The following SASH1 variants were observed in gnomAD, a reference collection of about 807,000 sequenced individuals.
SASH1 encodes the protein SAM and SH3 domain-containing protein 1.
Under a neutral mutation model 125.2 loss-of-function variants are expected in SASH1, and 44 were observed. That is an observed-to-expected ratio of 0.35 (90% CI 0.28 to 0.45). The LOEUF is 0.45. SASH1 is among the 20% of genes least tolerant of loss of function. The pLI is 1.00. For missense variants in SASH1, 1,426 were observed against 1,614.5 expected (o/e 0.88, Z 2.00); for synonymous variants, 639 against 649.1 (o/e 0.98, Z 0.24).
intron 1 of SASH1, among the ~76,000 whole-genome samples, chr6:148,377,195 C>CAAA (rs371487493): frequency 8.2e-5 from 10 of 121,836 alleles, no homozygotes; most frequent in South Asian, 8.0e-4. Context: ...AAAAAAAAAA[C>CAAA]AAAAAAAAAA....
chr6:148,429,277 C>A (rs1401086332), intron 2 of SASH1, among the ~76,000 whole-genome samples: 1 of 150,668 alleles, frequency 6.6e-6, no homozygotes, highest in Non-Finnish European at 1.5e-5. Flanking sequence ...TCCCAGCTAT[C>A]CAGGAGGCTG....
At chr6:148,546,673 T>C (rs1378691422) in intron 19 of SASH1, among the ~76,000 whole-genome samples, 1 of 152,182 alleles carries the variant, frequency 6.6e-6, no homozygotes, top group Non-Finnish European at 1.5e-5. Flanking sequence ...TATGAGGTAA[T>C]GCATATGTCA....
At chr6:148,440,326 A>C in intron 3 of SASH1, 32 bp from the exon 4 acceptor site, 1 of 1,612,668 alleles carries the variant, frequency 6.2e-7, no homozygotes, top group South Asian at 1.1e-5. Context: ...TGCTGCTCTG[A>C]CCACACTGAC....
chr6:148,247,444 T>A, the SASH1 span, among the ~76,000 whole-genome samples: 3 of 152,214 alleles, frequency 2.0e-5, no homozygotes, highest in African/African-American at 7.2e-5. Context: ...GACGCTGTGA[T>A]GGCAGAAGTC....
Position 148,533,705 on chromosome 6 carries a change from C to T in SASH1, c.1735-66C>T, listed in dbSNP as rs1781661667. 10 of 1,453,344 alleles carry T rather than the reference C, an allele frequency of 6.9e-6. No individual in the cohort carries two copies. Among genetic ancestry groups the T allele is most frequent in the Non-Finnish European group, 9.5e-6 (10 of 1,050,424 alleles). 90.0% of individuals were successfully genotyped at this position (1,453,344 alleles called of 1,614,324 possible). On this transcript the variant is annotated intron_variant, in intron 14 of 19. Coordinates refer to ENST00000367467, the MANE Select transcript of SASH1 (RefSeq NM_015278.5). The surrounding 1 kb of genome is among the most constrained non-coding windows in gnomAD (Gnocchi z 6.2). Reference sequence around the variant, plus strand: ...ACTTCTGCATGACCTGTGTATCTGACAGATTCTTGATTTGTACGTTCATGG... The same window carrying T: ...ACTTCTGCATGACCTGTGTATCTGATAGATTCTTGATTTGTACGTTCATGG...
intron 19 of SASH1, among the ~76,000 whole-genome samples, chr6:148,547,626 A>G (rs1225301448): frequency 6.6e-6 from 1 of 152,150 alleles, no homozygotes; most frequent in Non-Finnish European, 1.5e-5. Flanking sequence ...ATCTTTGTAG[A>G]CTTTAAAGGT....
At chr6:148,374,858 G>A (rs1261954531) in intron 1 of SASH1, among the ~76,000 whole-genome samples, 1 of 152,084 alleles carries the variant, frequency 6.6e-6, no homozygotes, top group Non-Finnish European at 1.5e-5. Flanking sequence ...CACCATGCAT[G>A]GCTAATTTTT....
chr6:148,413,778 AC>A (rs1447361640), intron 2 of SASH1, among the ~76,000 whole-genome samples: 1 of 151,260 alleles, frequency 6.6e-6, no homozygotes, highest in Non-Finnish European at 1.5e-5. Context: ...TTCTCCCCTT[AC>A]CCCTCTCCCA....
intron 8 of SASH1, among the ~76,000 whole-genome samples, chr6:148,490,141 A>G (rs1779045592): frequency 6.6e-6 from 1 of 151,622 alleles, no homozygotes. Context: ...CTGTTTCAAT[A>G]TGACCAAAAC....
the SASH1 span, among the ~76,000 whole-genome samples, chr6:148,239,099 C>T: frequency 6.6e-6 from 1 of 152,166 alleles, no homozygotes; most frequent in Non-Finnish European, 1.5e-5. Flanking sequence ...CACGGGACCT[C>T]ATTTTGAGGG....
chr6:148,537,623 G>GAAAT (rs1781927248), intron 16 of SASH1, among the ~76,000 whole-genome samples: 1 of 152,170 alleles, frequency 6.6e-6, no homozygotes, highest in African/African-American at 2.4e-5. Context: ...TACATTTTAA[G>GAAAT]AAATATGGTG....
At position 148,303,782 on chromosome 6, in the gene SASH1, A is replaced by AAAATAAAT. The variant is rs201590424; in HGVS notation, n.74+31445_74+31452dup. 8.6e-3 allele frequency among the ~76,000 whole-genome samples: 1,263 copies of AAAATAAAT among 147,372 alleles called. 13 individuals carry two copies. Among genetic ancestry groups the AAAATAAAT allele is most frequent in the South Asian group, 0.014 (63 of 4,636 alleles). ...AGCACTCCAGCGACTCTGTCTCAAC[A>AAAATAAAT]AAATAAATAAATAAATAAATAAATA... is the stretch of plus-strand genomic sequence containing the variant. On this transcript the variant is annotated intron_variant and non_coding_transcript_variant, in intron 1 of 3. Transcript: ENST00000367469.
At chr6:148,516,823 C>T (rs554803866) in intron 9 of SASH1, among the ~76,000 whole-genome samples, 22 of 152,236 alleles carry the variant, frequency 1.4e-4, no homozygotes, top group Admixed American at 1.4e-3. Flanking sequence ...TCCCTGACAG[C>T]AGCCTGTTCT....
chr6:148,288,710 C>T (rs1779550371), intron 1 of SASH1, among the ~76,000 whole-genome samples: 3 of 152,186 alleles, frequency 2.0e-5, no homozygotes, highest in East Asian at 3.9e-4. Flanking sequence ...CACACACACA[C>T]ACACTTTCCA....
chr6:148,476,112 C>A (rs529770409), intron 7 of SASH1, among the ~76,000 whole-genome samples: 4 of 152,162 alleles, frequency 2.6e-5, no homozygotes, highest in African/African-American at 9.6e-5. Flanking sequence ...TCAACACATA[C>A]ATTTCTGTGT....
intron 7 of SASH1, among the ~76,000 whole-genome samples, chr6:148,485,090 A>G (rs1778786882): frequency 6.6e-6 from 1 of 152,128 alleles, no homozygotes; most frequent in African/African-American, 2.4e-5. Flanking sequence ...GTCATATATG[A>G]TTGACTAGTT....
At chr6:148,457,247 C>T (rs909091663) in intron 4 of SASH1, among the ~76,000 whole-genome samples, 1 of 150,464 alleles carries the variant, frequency 6.6e-6, no homozygotes, top group African/African-American at 2.5e-5. Flanking sequence ...AGAATTTGAC[C>T]TGAAGCCGCA....
At chr6:148,392,278 C>A (rs1783760280) in intron 2 of SASH1, among the ~76,000 whole-genome samples, 1 of 135,154 alleles carries the variant, frequency 7.4e-6, no homozygotes, top group African/African-American at 2.8e-5. Flanking sequence ...AAGAGTGAAA[C>A]TCTGTCTCAA....
chr6:148,548,335 T>A lies in SASH1; in HGVS notation c.3521T>A (p.Val1174Asp). Residue 1174 changes from valine to aspartate, a missense_variant, in exon 20 of 20, where the codon GTC becomes GAC. By Grantham distance (152) the Val-to-Asp change is radical. This residue lies in a region of SASH1 where 634 missense variants were observed against 694.4 expected (regional missense o/e 0.91). Coordinates refer to ENST00000367467, the MANE Select transcript of SASH1 (RefSeq NM_015278.5). ...CTCACGGAAATCTGCCGAAAGCCCG[T>A]CTCTCCTGGGTGCATTTCGTCTGTG... The part of the protein sequence containing the change: ...GGLTEICRKP[V>D]SPGCISSVSD... The A allele has an allele frequency of 6.2e-7, 1 of 1,613,580 alleles. No homozygotes were observed. The highest frequency in any genetic ancestry group is 8.5e-7 in the Non-Finnish European group (1 of 1,179,854).
Sources: allele counts gnomAD v4.1 joint callset (sites outside exome capture counted in the v4.1 genomes callset), GRCh38; gene constraint gnomAD v4.1.1; regional missense constraint gnomAD v4.1.1; non-coding constraint Gnocchi (gnomAD v3.1); transcripts MANE v1.5; gene names NCBI Gene and HGNC (gene_info 2026-07-23, HGNC 2026-07-21).